Variants in IQSEC1 observed in about 807,000 individuals in gnomAD.
IQSEC1 encodes IQ motif and SEC7 domain-containing protein 1.
In IQSEC1, 31 loss-of-function variants were observed where a neutral mutation model predicts 91.0. The observed-to-expected ratio is 0.34, with a 90% confidence interval of 0.26 to 0.46. The LOEUF (loss-of-function observed/expected upper bound fraction) is 0.46. IQSEC1 is among the 20% of genes least tolerant of loss of function. The probability of loss-of-function intolerance (pLI) is 1.00; values close to 1 mark genes in which losing one functional copy is unlikely to be tolerated. For missense variants in IQSEC1, 1,388 were observed against 1,575.6 expected, an observed-to-expected ratio of 0.88 and a Z score of 2.02; for synonymous variants, 699 against 662.6, an observed-to-expected ratio of 1.05 and a Z score of -0.84.
At chr3:12,959,731 A>G (rs1700126649) in intron 1 of IQSEC1, among the ~76,000 whole-genome samples, 2 of 152,196 alleles carry the variant, frequency 1.3e-5, no homozygotes, top group Non-Finnish European at 1.5e-5. Context: ...AAAATCAACA[A>G]AACGTCTGGG....
In IQSEC1 at chr3:13,013,191, C is replaced by A. The variant is rs1448917335; in HGVS notation, c.23+59801G>T. On this transcript the variant is annotated intron_variant, in intron 1 of 13. Coordinates refer to ENST00000613206, the MANE Select transcript of IQSEC1 (RefSeq NM_001134382.3). ...GGTCAGGCTGGTCTCGATCTCCTGACCTCAAGTGATCCGCCCGCCTTGGCC... is the reference window on the plus strand; with the variant it reads ...GGTCAGGCTGGTCTCGATCTCCTGAACTCAAGTGATCCGCCCGCCTTGGCC... 2.0e-5 allele frequency among the ~76,000 whole-genome samples: 3 copies of A among 152,146 alleles called. No homozygotes were observed. In the South Asian group the frequency reaches 6.2e-4, roughly 32 times the overall value.
chr3:13,167,513 C>G (rs745694953), intron 1 of IQSEC1, among the ~76,000 whole-genome samples: 1 of 152,092 alleles, frequency 6.6e-6, no homozygotes. Flanking sequence ...CACGCATCAG[C>G]CTGCCTCACA....
chr3:12,908,224 A>AGG lies in IQSEC1; in HGVS notation c.2755+123_2755+124dup, dbSNP rs1014677473. ...ACGCTGCTCTGCTTTGCGGAAGGTC[A>AGG]GGGGAAATGCCGCACTGGCTTCGCC... On this transcript the variant is annotated intron_variant, in intron 12 of 13. Transcript: ENST00000613206. The surrounding 1 kb of genome is among the most constrained non-coding windows in gnomAD (Gnocchi z 4.9). 2.0e-6 allele frequency: 2 copies of AGG among 981,260 alleles called. No homozygotes were observed. The highest frequency in any genetic ancestry group is 3.3e-4 in the Middle Eastern group (1 of 3,000). The allele number at this position is 981,260 out of a possible 1,614,324, so 60.8% of individuals were successfully genotyped here.
At chr3:13,240,855 C>T (rs922947456) in intron 1 of IQSEC1, among the ~76,000 whole-genome samples, 2 of 152,176 alleles carry the variant, frequency 1.3e-5, no homozygotes, top group South Asian at 2.1e-4. Flanking sequence ...GTGGACTTCA[C>T]GTTCATTGAT....
At chr3:13,244,683 C>T (rs367616584) in intron 1 of IQSEC1, among the ~76,000 whole-genome samples, 4 of 152,262 alleles carry the variant, frequency 2.6e-5, no homozygotes, top group South Asian at 2.1e-4. Flanking sequence ...CTGGGGCATG[C>T]GATAAATCAG....
At chr3:13,022,050 G>C (rs541401304) in intron 1 of IQSEC1, 2 of 1,231,956 alleles carry the variant, frequency 1.6e-6, no homozygotes, top group Middle Eastern at 3.1e-4. Flanking sequence ...TCCTCACAGA[G>C]ATGCAGTACT....
intron 1 of IQSEC1, among the ~76,000 whole-genome samples, chr3:12,976,261 G>A (rs955451216): frequency 3.9e-5 from 6 of 152,218 alleles, no homozygotes; most frequent in Middle Eastern, 3.2e-3. Flanking sequence ...CAGGAGGGGG[G>A]CAGCAGTGGC....
At chr3:13,106,996 T>C (rs17037662) in intron 2 of IQSEC1, among the ~76,000 whole-genome samples, 3,721 of 152,310 alleles carry the variant, frequency 0.024, 154 homozygotes, top group African/African-American at 0.084. Flanking sequence ...GGTGGTTTTC[T>C]AGAATGGCTT....
chr3:13,247,005 G>A (rs930236366), intron 1 of IQSEC1, among the ~76,000 whole-genome samples: 9 of 152,174 alleles, frequency 5.9e-5, no homozygotes, highest in Non-Finnish European at 1.2e-4. Flanking sequence ...TTGAAAGGAG[G>A]TTGCAAATAC....
intron 1 of IQSEC1, among the ~76,000 whole-genome samples, chr3:13,226,341 T>C (rs998039273): frequency 1.3e-5 from 2 of 152,224 alleles, no homozygotes; most frequent in African/African-American, 4.8e-5. Context: ...TACTCATTTT[T>C]AAATGATAAT....
chr3:13,130,479 T>C (rs1403600618), intron 2 of IQSEC1, among the ~76,000 whole-genome samples: 2 of 152,222 alleles, frequency 1.3e-5, no homozygotes, highest in Admixed American at 6.5e-5. Flanking sequence ...AGATTTATCA[T>C]ATAGAATTTG....
At chr3:13,237,232 G>A (rs1694946185) in intron 1 of IQSEC1, among the ~76,000 whole-genome samples, 1 of 152,224 alleles carries the variant, frequency 6.6e-6, no homozygotes, top group Non-Finnish European at 1.5e-5. Context: ...CTTTCTGTGT[G>A]GATGGGATGA....
rs1411615702 is a variant in IQSEC1, at chr3:12,940,483, A to G, written c.318+1088T>C. On this transcript the variant is annotated intron_variant, in intron 2 of 13. Transcript: ENST00000613206. The surrounding 1 kb of genome is among the most constrained non-coding windows in gnomAD (Gnocchi z 4.4). The stretch of plus-strand genomic sequence containing the variant: ...GAGCAAGCAGAGGGCGGGCGGGGCC[A>G]CAGGATGGGTGTGGGTGGGAGTGAA... 6.6e-6 allele frequency among the ~76,000 whole-genome samples: 1 copy of G among 151,926 alleles called. No individual in the cohort carries two copies. Among genetic ancestry groups the G allele is most frequent in the Non-Finnish European group, 1.5e-5 (1 of 67,926 alleles).
intron 1 of IQSEC1, among the ~76,000 whole-genome samples, chr3:13,228,449 G>T (rs2002218): frequency 0.066 from 10,113 of 152,246 alleles, 723 homozygotes; most frequent in East Asian, 0.34. Context: ...GGCAGGCGTG[G>T]TCGGAATTAA....
At chr3:13,254,185 T>C (rs9834106) in intron 1 of IQSEC1, among the ~76,000 whole-genome samples, 14,801 of 152,290 alleles carry the variant, frequency 0.097, 1,227 homozygotes, top group African/African-American at 0.23. Flanking sequence ...GATGAGATGC[T>C]CCACCCACAT....
At chr3:12,912,380 A>T (rs1695644431) in intron 9 of IQSEC1, among the ~76,000 whole-genome samples, 2 of 152,214 alleles carry the variant, frequency 1.3e-5, no homozygotes, top group Admixed American at 6.5e-5. Context: ...ACCTTCTGAG[A>T]GATTCATCTT....
At chr3:12,919,188 G>A (rs1423900843) in intron 6 of IQSEC1, among the ~76,000 whole-genome samples, 3 of 152,186 alleles carry the variant, frequency 2.0e-5, no homozygotes, top group African/African-American at 4.8e-5. Flanking sequence ...GGTGGCCCTC[G>A]GGAGCTCTCA....
chr3:12,933,648 G>A (rs555659609), intron 3 of IQSEC1, among the ~76,000 whole-genome samples: 1 of 152,336 alleles, frequency 6.6e-6, no homozygotes, highest in Admixed American at 6.5e-5. Flanking sequence ...CAAGGACATA[G>A]AGATACGATG....
intron 1 of IQSEC1, among the ~76,000 whole-genome samples, chr3:12,943,325 G>A (rs1363794784): frequency 2.6e-5 from 4 of 152,222 alleles, no homozygotes; most frequent in Non-Finnish European, 4.4e-5. Context: ...GCGGGCTGAC[G>A]AGCTCATCCC....
Sources: gnomAD v4.1 joint callset for allele counts (sites outside exome capture counted in the v4.1 genomes callset) on GRCh38, gnomAD v4.1.1 for gene constraint, Gnocchi (gnomAD v3.1) non-coding constraint, MANE v1.5 for transcripts, NCBI Gene and HGNC (gene_info 2026-07-23, HGNC 2026-07-21) for gene names.